Variants in MYCBP2 observed in about 807,000 individuals in gnomAD.
MYCBP2 encodes MYC binding protein 2.
In MYCBP2, 120 loss-of-function variants were observed where a neutral mutation model predicts 525.3. The observed-to-expected ratio is 0.23, with a 90% CI of 0.20 to 0.27. MYCBP2 has a LOEUF of 0.27. MYCBP2 is among the 10% of genes least tolerant of loss of function. MYCBP2 has a pLI of 1.00. For missense variants in MYCBP2, 4,149 were observed against 5,657.1 expected, an observed-to-expected ratio of 0.73 and a Z score of 8.55; for synonymous variants, 1,894 against 1,955.8, an observed-to-expected ratio of 0.97 and a Z score of 0.83.
chr13:77,094,288 T>C (rs1348842617), intron 58 of MYCBP2, among the ~76,000 whole-genome samples: 1 of 152,186 alleles, frequency 6.6e-6, no homozygotes, highest in Non-Finnish European at 1.5e-5. Flanking sequence ...AAGGCTCTTT[T>C]GGAGTGTCAG....
intron 4 of MYCBP2, among the ~76,000 whole-genome samples, chr13:77,277,203 T>G (rs2075723078): frequency 1.3e-5 from 2 of 152,168 alleles, no homozygotes; most frequent in African/African-American, 4.8e-5. Context: ...ACATTCCAAT[T>G]ATTTGCTAAC....
intron 36 of MYCBP2, among the ~76,000 whole-genome samples, chr13:77,175,769 T>C (rs958965394): frequency 1.3e-5 from 2 of 152,056 alleles, no homozygotes; most frequent in Admixed American, 6.6e-5. Context: ...GAGACCAGCC[T>C]GGTCAACACA....
At chr13:77,279,632 C>G (rs986744340) in intron 3 of MYCBP2, among the ~76,000 whole-genome samples, 2 of 152,096 alleles carry the variant, frequency 1.3e-5, no homozygotes, top group Non-Finnish European at 2.9e-5. Flanking sequence ...TTAGTAGAAA[C>G]TCCCAAAACC....
chr13:77,233,896 G>A (rs933846507), intron 17 of MYCBP2, among the ~76,000 whole-genome samples: 8 of 151,614 alleles, frequency 5.3e-5, no homozygotes, highest in Admixed American at 4.6e-4. Context: ...GAGAGAGAGA[G>A]AAAGGAGCTT....
At chr13:77,147,978 A>G (rs780917909) in intron 47 of MYCBP2, among the ~76,000 whole-genome samples, 1 of 152,106 alleles carries the variant, frequency 6.6e-6, no homozygotes, top group African/African-American at 2.4e-5. Flanking sequence ...GAAATATTGC[A>G]TTCCGTTGTG....
At chr13:77,239,443 G>A (rs1303038236) in intron 17 of MYCBP2, among the ~76,000 whole-genome samples, 1 of 152,172 alleles carries the variant, frequency 6.6e-6, no homozygotes, top group Non-Finnish European at 1.5e-5. Context: ...CACAGTGCCA[G>A]AGAAGAGCCT....
intron 20 of MYCBP2, among the ~76,000 whole-genome samples, chr13:77,222,005 A>T (rs2065660896): frequency 6.6e-6 from 1 of 152,220 alleles, no homozygotes; most frequent in Admixed American, 6.5e-5. Flanking sequence ...TCTGTTGTTT[A>T]GGAAATAATA....
In MYCBP2 at chr13:77,092,935, T is replaced by C. The variant is rs552476285; in HGVS notation, c.10367+230A>G. Among the ~76,000 whole-genome samples, 12 of 152,290 alleles carry C rather than the reference T, an allele frequency of 7.9e-5. No homozygotes were observed. The South Asian group carries it at 2.3e-3, about 29-fold the overall frequency. On this transcript the variant is annotated intron_variant, in intron 59 of 82. Coordinates refer to ENST00000544440, the MANE Select transcript of MYCBP2 (RefSeq NM_015057.5). ...TACTACAGCATTAAGTAATGTCATA[T>C]AATGTAATCTTTAATTCCTTCACTA...
chr13:77,227,931 A>G (rs1467613307), intron 18 of MYCBP2, among the ~76,000 whole-genome samples: 2 of 152,212 alleles, frequency 1.3e-5, no homozygotes, highest in African/African-American at 4.8e-5. Context: ...GTTCATTGAA[A>G]CAAACTGTAA....
intron 20 of MYCBP2, among the ~76,000 whole-genome samples, chr13:77,219,412 A>G (rs1310107370): frequency 6.6e-6 from 1 of 152,054 alleles, no homozygotes; most frequent in Non-Finnish European, 1.5e-5. Flanking sequence ...AAAGGGAAAA[A>G]GAAAGGAGAG....
chr13:77,155,524 T>C (rs2154198365), intron 46 of MYCBP2, among the ~76,000 whole-genome samples: 1 of 152,278 alleles, frequency 6.6e-6, no homozygotes, highest in East Asian at 1.9e-4. Context: ...CTCTGAAACA[T>C]TATTATTAAT....
chr13:77,053,217 T>G (rs1257342555), intron 80 of MYCBP2, among the ~76,000 whole-genome samples: 2 of 151,786 alleles, frequency 1.3e-5, no homozygotes, highest in Non-Finnish European at 1.5e-5. Context: ...AGGCAGGAAC[T>G]CAACAGTTTC....
intron 55 of MYCBP2, among the ~76,000 whole-genome samples, chr13:77,100,728 T>G (rs1307356204): frequency 6.6e-6 from 1 of 151,926 alleles, no homozygotes; most frequent in Admixed American, 6.6e-5. Context: ...AACATAATGC[T>G]TTTTAGTTTC....
chr13:77,190,841 T>G (rs1369217227), intron 28 of MYCBP2, among the ~76,000 whole-genome samples: 2 of 152,210 alleles, frequency 1.3e-5, no homozygotes, highest in Non-Finnish European at 2.9e-5. Context: ...GAAATTCACC[T>G]CACAAATAAG....
At chr13:77,104,451 A>G (rs1320281569) in intron 55 of MYCBP2, among the ~76,000 whole-genome samples, 2 of 152,116 alleles carry the variant, frequency 1.3e-5, no homozygotes, top group African/African-American at 4.8e-5. Flanking sequence ...ACAAATAAGT[A>G]TACATCACAT....
At chr13:77,176,046 G>T (rs1380013987) in intron 36 of MYCBP2, among the ~76,000 whole-genome samples, 6 of 148,850 alleles carry the variant, frequency 4.0e-5, no homozygotes, top group Admixed American at 3.3e-4. Flanking sequence ...ATGAGTTAGG[G>T]CACAATAAGA....
chr13:77,251,445 G>A (rs957947798), intron 14 of MYCBP2, 90 bp from the exon 15 acceptor site: 1 of 1,098,956 alleles, frequency 9.1e-7, no homozygotes, highest in Non-Finnish European at 1.3e-6. Context: ...AAAAATGACA[G>A]CATGCTAATC....
intron 79 of MYCBP2, 135 bp downstream of exon 79, chr13:77,056,851 C>T: frequency 1.6e-6 from 1 of 638,106 alleles, no homozygotes; most frequent in Non-Finnish European, 2.8e-6. Flanking sequence ...TCTCAGGTTC[C>T]ACATGAATGA....
At chr13:77,090,831 T>G (rs2045277098) in intron 59 of MYCBP2, among the ~76,000 whole-genome samples, 1 of 152,156 alleles carries the variant, frequency 6.6e-6, no homozygotes, top group South Asian at 2.1e-4. Context: ...TAAAAGAACT[T>G]AATGGTTTTA....
Sources: allele counts gnomAD v4.1 joint callset (sites outside exome capture counted in the v4.1 genomes callset), GRCh38; gene constraint gnomAD v4.1.1; transcripts MANE v1.5; gene names NCBI Gene and HGNC (gene_info 2026-07-23, HGNC 2026-07-21).